Variants in RGS3 observed in about 807,000 individuals in gnomAD.
RGS3 encodes the protein regulator of G-protein signalling 3.
In RGS3, 80 loss-of-function variants were observed where a neutral mutation model predicts 132.6. The observed-to-expected ratio is 0.60, with a 90% CI of 0.50 to 0.73. The LOEUF is 0.73. Among genes scored for constraint, RGS3 ranks in the 30% least tolerant of loss-of-function variants. The probability of loss-of-function intolerance (pLI) is 0.00; values close to 1 mark genes in which losing one functional copy is unlikely to be tolerated. For synonymous variants in RGS3, 598 were observed against 620.6 expected (o/e 0.96, Z 0.54); for missense variants, 1,382 against 1,530.8 (o/e 0.90, Z 1.62).
At chr9:113,477,316 T>C (rs781178808) in intron 3 of RGS3, among the ~76,000 whole-genome samples, 7 of 152,182 alleles carry the variant, frequency 4.6e-5, no homozygotes, top group Non-Finnish European at 1.0e-4. Context: ...CCTGGGCTTC[T>C]GAGATCTGGG....
chr9:113,470,891 G>A (rs1046617166), intron 3 of RGS3, among the ~76,000 whole-genome samples: 19 of 152,178 alleles, frequency 1.2e-4, no homozygotes, highest in African/African-American at 4.6e-4. Context: ...CTTGAGCCTA[G>A]GAGGTCAAGA....
intron 19 of RGS3, among the ~76,000 whole-genome samples, chr9:113,545,509 A>G (rs569764941): frequency 1.3e-4 from 20 of 152,302 alleles, no homozygotes; most frequent in African/African-American, 4.8e-4. Context: ...CTGTCCTATC[A>G]GTGGACAGAC....
chr9:113,470,987 A>G (rs1288098345), intron 3 of RGS3, among the ~76,000 whole-genome samples: 1 of 151,996 alleles, frequency 6.6e-6, no homozygotes, highest in Admixed American at 6.6e-5. Flanking sequence ...CAACAAACAA[A>G]CAGTATAGGC....
intron 19 of RGS3, among the ~76,000 whole-genome samples, chr9:113,570,768 C>G (rs1460401729): frequency 6.6e-6 from 1 of 152,098 alleles, no homozygotes; most frequent in African/African-American, 2.4e-5. Flanking sequence ...TCCTGAGTAG[C>G]TGGGATTACC....
chr9:113,447,340 T>TATATATATATATATATAC (rs1489630526), intron 1 of RGS3, among the ~76,000 whole-genome samples: 5 of 97,920 alleles, frequency 5.1e-5, no homozygotes, highest in African/African-American at 6.9e-5. Flanking sequence ...TATATATATA[T>TATATATATATATATATAC]ATATATATAT....
At position 113,594,998 on chromosome 9, in the gene RGS3, G is replaced by A; in HGVS notation, c.3244+18G>A. ...TCACAAATGTAAGTTGGGCCTGCCT[G>A]CCCACTCCCTGTGCCCTCTCTCCCT... is the stretch of plus-strand genomic sequence containing the variant. On this transcript the variant is annotated intron_variant, in intron 23 of 24. Coordinates refer to ENST00000350696, the Ensembl canonical transcript of RGS3. 1 of 1,612,812 alleles carries A rather than the reference G, an allele frequency of 6.2e-7. No individual in the cohort carries two copies. Among genetic ancestry groups the A allele is most frequent in the Non-Finnish European group, 8.5e-7 (1 of 1,178,824 alleles).
At chr9:113,558,089 T>C (rs1275646242) in intron 19 of RGS3, among the ~76,000 whole-genome samples, 1 of 152,178 alleles carries the variant, frequency 6.6e-6, no homozygotes, top group Non-Finnish European at 1.5e-5. Context: ...TTGCTTGGAC[T>C]AGGGCTGAGG....
exon 11 of RGS3, chr9:113,505,509 A>G (rs769418343): frequency 6.2e-7 from 1 of 1,614,200 alleles, no homozygotes; most frequent in Non-Finnish European, 8.5e-7. Context: ...GTTCGAGTCC[A>G]GGCCGTGGAT....
At chr9:113,468,342 C>T (rs1406324660) in intron 3 of RGS3, among the ~76,000 whole-genome samples, 1 of 152,168 alleles carries the variant, frequency 6.6e-6, no homozygotes, top group Non-Finnish European at 1.5e-5. Flanking sequence ...GGTACCTTTA[C>T]TGAAAATCAA....
upstream of RGS3, among the ~76,000 whole-genome samples, chr9:113,459,621 G>A (rs572616675): frequency 2.0e-4 from 30 of 152,230 alleles, no homozygotes; most frequent in African/African-American, 5.5e-4. Context: ...GTGGTGGCGC[G>A]TGCCTGTAGT....
At position 113,517,635 on chromosome 9, in the gene RGS3, C is replaced by A. The variant is rs779701781; in HGVS notation, c.1758+11C>A. On this transcript the variant is annotated intron_variant, in intron 16 of 24. Transcript: ENST00000350696. ...AACAAGGCTGCCGAGGTAAGACTTTCACCTGCATTTTTTAGGGGGCTTTCT... is the reference window on the plus strand; with the variant it reads ...AACAAGGCTGCCGAGGTAAGACTTTAACCTGCATTTTTTAGGGGGCTTTCT... 18 of 1,610,818 alleles carry A rather than the reference C, an allele frequency of 1.1e-5. No individual in the cohort carries two copies. Among genetic ancestry groups the A allele is most frequent in the Non-Finnish European group, 1.4e-5 (17 of 1,178,012 alleles).
At chr9:113,581,450 T>A (rs961313765) in intron 19 of RGS3, 4 of 152,226 alleles carry the variant, frequency 2.6e-5, no homozygotes, top group Admixed American at 6.5e-5. Context: ...TTGGCAAAAT[T>A]TGGTGTATGT....
At chr9:113,521,233 A>G (rs1831940873) in intron 16 of RGS3, among the ~76,000 whole-genome samples, 1 of 152,184 alleles carries the variant, frequency 6.6e-6, no homozygotes, top group Non-Finnish European at 1.5e-5. Flanking sequence ...AAAGCCCCTG[A>G]GAGCTCCTTC....
chr9:113,502,719 T>C (rs1830954519), intron 10 of RGS3, among the ~76,000 whole-genome samples: 1 of 152,130 alleles, frequency 6.6e-6, no homozygotes, highest in Non-Finnish European at 1.5e-5. Context: ...CCAGGAGCAA[T>C]TGTGGGCTGG....
chr9:113,566,778 C>T (rs1022404783), intron 19 of RGS3, among the ~76,000 whole-genome samples: 2 of 152,250 alleles, frequency 1.3e-5, no homozygotes, highest in Admixed American at 1.3e-4. Context: ...GGCGTCCTCT[C>T]CCAGTGCTAG....
At position 113,537,388 on chromosome 9, in the gene RGS3, G is replaced by A. The variant is rs908435207; in HGVS notation, c.2037+470G>A. Among the ~76,000 whole-genome samples the A allele has an allele frequency of 6.6e-6, 1 of 152,202 alleles. No individual in the cohort carries two copies. Among genetic ancestry groups the A allele is most frequent in the South Asian group, 2.1e-4 (1 of 4,836 alleles). Reference sequence around the variant, plus strand: ...GTGGGCCAGAGCCAAGTAGAGCTGAGTGTGGACTGCTGGGGTCTGGGGACT... The same window carrying A: ...GTGGGCCAGAGCCAAGTAGAGCTGAATGTGGACTGCTGGGGTCTGGGGACT... On this transcript the variant is annotated intron_variant, in intron 19 of 24. Transcript: ENST00000350696. This position sits in a 1 kb window ranked among gnomAD's most constrained non-coding sequence, Gnocchi z 4.3.
At chr9:113,529,335 G>A (rs1832364375) in intron 18 of RGS3, 71 bp downstream of exon 16, 1 of 1,253,000 alleles carries the variant, frequency 8.0e-7, no homozygotes, top group South Asian at 1.2e-5. Flanking sequence ...ACTGGGCTGG[G>A]ATCTAGACCA....
intron 19 of RGS3, among the ~76,000 whole-genome samples, chr9:113,572,515 T>G (rs1834335409): frequency 6.6e-6 from 1 of 152,098 alleles, no homozygotes; most frequent in African/African-American, 2.4e-5. Context: ...AAGCCTCTTT[T>G]TTTTACTGGA....
chr9:113,511,461 G>T (rs1588179482), intron 14 of RGS3, among the ~76,000 whole-genome samples: 1 of 152,140 alleles, frequency 6.6e-6, no homozygotes, highest in East Asian at 1.9e-4. Context: ...TTATCCAGGG[G>T]TGGGTGGAGA....
Sources: gnomAD v4.1 joint callset for allele counts (sites outside exome capture counted in the v4.1 genomes callset) on GRCh38, gnomAD v4.1.1 for gene constraint, Gnocchi (gnomAD v3.1) non-coding constraint, MANE v1.5 for transcripts, NCBI Gene and HGNC (gene_info 2026-07-23, HGNC 2026-07-21) for gene names.